The following CCSER1 variants were observed in gnomAD, a reference collection of about 807,000 sequenced individuals.
CCSER1 encodes the protein coiled-coil serine rich protein 1, also known as serine-rich coiled-coil domain-containing protein 1.
In CCSER1, 41 loss-of-function variants were observed where a neutral mutation model predicts 82.0. The ratio of observed to expected loss-of-function variants is 0.50; its 90% CI spans 0.39 to 0.65. The LOEUF (loss-of-function observed/expected upper bound fraction) is 0.65. Ranked by LOEUF, CCSER1 falls within the 30% of genes least tolerant of loss-of-function variation. The pLI is 0.00. For missense variants in CCSER1, 1,119 were observed against 1,064.2 expected (o/e 1.05, Z -0.72); for synonymous variants, 414 against 383.9 (o/e 1.08, Z -0.92).
At chr4:91,055,540 G>A (rs1430006418) in intron 9 of CCSER1, among the ~76,000 whole-genome samples, 3 of 152,006 alleles carry the variant, frequency 2.0e-5, no homozygotes, top group African/African-American at 7.2e-5. Flanking sequence ...TCTCAGATGT[G>A]CCAAATTGTG....
chr4:91,225,396 T>TA lies in CCSER1; in HGVS notation c.2217+139402_2217+139403insA, dbSNP rs1307892919. ...AATATATATGATATAATATATATAT[T>TA]CATATATATTATATATATGAAAATA... On this transcript the variant is annotated intron_variant, in intron 10 of 10. Transcript: ENST00000509176. Among the ~76,000 whole-genome samples the TA allele has an allele frequency of 5.0e-5, 7 of 140,724 alleles. No homozygotes were observed. The East Asian group carries it at 1.4e-3, about 28-fold the overall frequency. 92.3% of individuals were successfully genotyped at this position (140,724 alleles called of 152,430 possible).
At chr4:90,729,821 A>G (rs2149397787) in intron 7 of CCSER1, among the ~76,000 whole-genome samples, 1 of 152,320 alleles carries the variant, frequency 6.6e-6, no homozygotes, top group African/African-American at 2.4e-5. Context: ...GCTTGCAGTG[A>G]GCGGAGATAG....
At chr4:91,328,989 C>CCTCATTTG (rs57811940) in intron 10 of CCSER1, among the ~76,000 whole-genome samples, 13,875 of 152,056 alleles carry the variant, frequency 0.091, 960 homozygotes, top group East Asian at 0.21. Context: ...TGACTTTGCT[C>CCTCATTTG]CTCATTTGCC....
chr4:90,638,043 C>A (rs1031845851), intron 6 of CCSER1, among the ~76,000 whole-genome samples: 11 of 152,052 alleles, frequency 7.2e-5, no homozygotes, highest in Non-Finnish European at 1.5e-4. Context: ...CAAGATAAGC[C>A]CTACTCTAAC....
At chr4:91,335,021 G>A (rs1244402273) in intron 10 of CCSER1, among the ~76,000 whole-genome samples, 1 of 151,822 alleles carries the variant, frequency 6.6e-6, no homozygotes, top group African/African-American at 2.4e-5. Flanking sequence ...TTAATTAAAA[G>A]ACTACTGTTA....
rs1234983480 is a variant in CCSER1, at chr4:91,377,056, A to G, written c.2218-221516A>G. Among the ~76,000 whole-genome samples, 4 of 152,080 alleles carry G rather than the reference A, an allele frequency of 2.6e-5. No individual in the cohort carries two copies. In the East Asian group the frequency reaches 5.8e-4, roughly 22 times the overall value. On this transcript the variant is annotated intron_variant, in intron 10 of 10. Transcript: ENST00000509176. ...AGAATGACGGTTTCCAGCTTCATCCATGTCCCTACAAAGGACATGAACTCA... is the reference window on the plus strand; with the variant it reads ...AGAATGACGGTTTCCAGCTTCATCCGTGTCCCTACAAAGGACATGAACTCA...
chr4:91,467,599 T>C (rs928777746), intron 10 of CCSER1, among the ~76,000 whole-genome samples: 9 of 151,954 alleles, frequency 5.9e-5, no homozygotes, highest in African/African-American at 1.7e-4. Context: ...TGCAATCTAC[T>C]CATCTGACAA....
At chr4:90,344,414 CTGTT>C (rs1253951187) in intron 3 of CCSER1, among the ~76,000 whole-genome samples, 1 of 152,122 alleles carries the variant, frequency 6.6e-6, no homozygotes, top group Admixed American at 6.5e-5. Flanking sequence ...TTACTTGAAT[CTGTT>C]TGTGTAACTT....
chr4:90,932,870 A>AAAGGAAGG (rs141831189), intron 9 of CCSER1, among the ~76,000 whole-genome samples: 3,408 of 54,904 alleles, frequency 0.062, 1,067 homozygotes, highest in Non-Finnish European at 0.091. Flanking sequence ...CCGTCTCAAG[A>AAAGGAAGG]AAGGAAGGAA....
At chr4:91,541,598 C>G (rs184566628) in intron 10 of CCSER1, among the ~76,000 whole-genome samples, 67 of 152,194 alleles carry the variant, frequency 4.4e-4, no homozygotes, top group African/African-American at 1.5e-3. Flanking sequence ...TGGTGTATAT[C>G]TGCCACATTT....
chr4:91,294,893 T>C (rs1405774648), intron 10 of CCSER1, among the ~76,000 whole-genome samples: 2 of 151,984 alleles, frequency 1.3e-5, no homozygotes, highest in African/African-American at 4.8e-5. Context: ...TTCAGCATGC[T>C]ACAGACAGAG....
intron 10 of CCSER1, among the ~76,000 whole-genome samples, chr4:91,284,490 G>T (rs2149207680): frequency 6.6e-6 from 1 of 152,168 alleles, no homozygotes; most frequent in Non-Finnish European, 1.5e-5. Context: ...CTGCATTTCA[G>T]TTCGGGAGAT....
chr4:90,548,270 A>G (rs138002236), intron 5 of CCSER1, among the ~76,000 whole-genome samples: 1 of 152,154 alleles, frequency 6.6e-6, no homozygotes, highest in Non-Finnish European at 1.5e-5. Flanking sequence ...CACTTGCTCC[A>G]CTCCAGGTTC....
intron 7 of CCSER1, among the ~76,000 whole-genome samples, chr4:90,764,778 T>G (rs1750949073): frequency 6.6e-6 from 1 of 152,116 alleles, no homozygotes; most frequent in African/African-American, 2.4e-5. Context: ...AGAGAATTAG[T>G]TGAAAGCTCC....
intron 1 of CCSER1, among the ~76,000 whole-genome samples, chr4:90,286,381 A>G (rs890019924): frequency 1.3e-5 from 2 of 152,104 alleles, no homozygotes; most frequent in African/African-American, 4.8e-5. Flanking sequence ...GAAGCAGACT[A>G]TGATTTCACA....
In CCSER1 at chr4:90,235,567, A is replaced by T. The variant is rs372940458; in HGVS notation, c.-41-72677A>T. Among the ~76,000 whole-genome samples the T allele has an allele frequency of 5.7e-4, 87 of 152,358 alleles. 1 individual carries two copies. The highest frequency in any genetic ancestry group is 1.7e-3 in the African/African-American group (71 of 41,586). ...TATTTTAGTTTGAAAGAAATCACTCACATTTCATAATCCTGAAACATATAA... is the reference window on the plus strand; with the variant it reads ...TATTTTAGTTTGAAAGAAATCACTCTCATTTCATAATCCTGAAACATATAA... On this transcript the variant is annotated intron_variant, in intron 1 of 10. Coordinates refer to ENST00000509176, the MANE Select transcript of CCSER1 (RefSeq NM_001145065.2).
intron 10 of CCSER1, among the ~76,000 whole-genome samples, chr4:91,279,063 T>G (rs886187931): frequency 6.6e-6 from 1 of 152,102 alleles, no homozygotes; most frequent in Non-Finnish European, 1.5e-5. Context: ...GGTTTATTTT[T>G]TTTTTTTTCT....
In CCSER1 at chr4:90,381,244, C is replaced by G. The variant is rs1041651911; in HGVS notation, c.1510-18792C>G. On this transcript the variant is annotated intron_variant, in intron 3 of 10. Coordinates refer to ENST00000509176, the MANE Select transcript of CCSER1 (RefSeq NM_001145065.2). ...ATTAGGGCAGAAGAGAATGACCAGG[C>G]AGGCCTTCATTTTAACATCCTGAAT... 5.3e-5 allele frequency among the ~76,000 whole-genome samples: 8 copies of G among 152,306 alleles called. No homozygotes were observed. In the South Asian group the frequency reaches 1.7e-3, roughly 32 times the overall value.
intron 1 of CCSER1, among the ~76,000 whole-genome samples, chr4:90,157,832 G>T (rs1185897328): frequency 1.3e-5 from 2 of 152,162 alleles, no homozygotes; most frequent in Non-Finnish European, 2.9e-5. Context: ...TCCTCCTGTA[G>T]CTCGGAGTAG....
Sources: gnomAD v4.1 joint callset for allele counts (sites outside exome capture counted in the v4.1 genomes callset) on GRCh38, gnomAD v4.1.1 for gene constraint, MANE v1.5 for transcripts, NCBI Gene and HGNC (gene_info 2026-07-23, HGNC 2026-07-21) for gene names.